Variants in PTN observed in about 807,000 individuals in gnomAD.
PTN encodes pleiotrophin.
A neutral mutation model predicts 24.1 loss-of-function variants in PTN; 18 were observed. The observed-to-expected ratio is 0.75, with a 90% CI of 0.52 to 1.11. PTN has a LOEUF of 1.11. PTN is among the 50% of genes least tolerant of loss of function. PTN has a pLI of 0.00. For missense variants in PTN, 163 were observed against 198.8 expected (o/e 0.82, Z 1.08); for synonymous variants, 78 against 68.6 (o/e 1.14, Z -0.67).
intron 1 of PTN, among the ~76,000 whole-genome samples, chr7:137,314,378 T>C (rs1562920308): frequency 6.6e-6 from 1 of 152,138 alleles, no homozygotes. Context: ...ACCAATGAGG[T>C]ACCAGCAATT....
chr7:137,292,775 T>C (rs1809661061), intron 1 of PTN, among the ~76,000 whole-genome samples: 2 of 152,158 alleles, frequency 1.3e-5, no homozygotes, highest in African/African-American at 4.8e-5. Flanking sequence ...CTCCTGAATA[T>C]TTTCAATTCA....
intron 1 of PTN, among the ~76,000 whole-genome samples, chr7:137,307,425 T>G (rs968548572): frequency 6.6e-6 from 1 of 152,182 alleles, no homozygotes; most frequent in Non-Finnish European, 1.5e-5. Context: ...ACAAATTTTT[T>G]AATGAAAAGG....
At chr7:137,309,481 CATGA>C (rs1244089284) in intron 1 of PTN, among the ~76,000 whole-genome samples, 3 of 151,438 alleles carry the variant, frequency 2.0e-5, no homozygotes, top group East Asian at 2.0e-4. Flanking sequence ...TTCACTCTTT[CATGA>C]ATGATTTCTC....
chr7:137,323,085 T>A (rs1810191572), intron 1 of PTN, among the ~76,000 whole-genome samples: 1 of 152,246 alleles, frequency 6.6e-6, no homozygotes, highest in Non-Finnish European at 1.5e-5. Flanking sequence ...ATTTCTTGCC[T>A]GCACTTTCAT....
chr7:137,268,079 C>T (rs1809192004), intron 1 of PTN, among the ~76,000 whole-genome samples: 1 of 152,040 alleles, frequency 6.6e-6, no homozygotes, highest in Admixed American at 6.6e-5. Context: ...CTAGTCTTAC[C>T]GAGTTTGAGA....
rs575341813 is a variant in PTN, at chr7:137,288,137, A to T, written c.-1-33163T>A. On this transcript the variant is annotated intron_variant, in intron 1 of 4. Coordinates refer to ENST00000348225, the MANE Select transcript of PTN (RefSeq NM_002825.7). ...AGCAGAGAATTGATTAGGATTCAGC[A>T]AAGTTCATATTATAATAGTTTAGTG... Among the ~76,000 whole-genome samples, 17 of 152,316 alleles carry T rather than the reference A, an allele frequency of 1.1e-4. No homozygotes were observed. The South Asian group carries it at 3.5e-3, about 32-fold the overall frequency.
chr7:137,329,044 C>A (rs1332954101), intron 1 of PTN, among the ~76,000 whole-genome samples: 1 of 152,086 alleles, frequency 6.6e-6, no homozygotes, highest in Non-Finnish European at 1.5e-5. Flanking sequence ...GGACTACACC[C>A]TCAGTTCTAT....
intron 1 of PTN, among the ~76,000 whole-genome samples, chr7:137,268,726 G>C (rs1258874321): frequency 6.6e-6 from 1 of 152,176 alleles, no homozygotes; most frequent in East Asian, 1.9e-4. Flanking sequence ...TTCAGATCTG[G>C]TTCCTTGGTT....
At chr7:137,286,825 T>G (rs1809563186) in intron 1 of PTN, among the ~76,000 whole-genome samples, 1 of 152,212 alleles carries the variant, frequency 6.6e-6, no homozygotes, top group Non-Finnish European at 1.5e-5. Context: ...CATACTTAGT[T>G]GGACTAAATA....
Position 137,270,965 on chromosome 7 carries a change from G to A in PTN, c.-1-15991C>T, listed in dbSNP as rs80188203. Among the ~76,000 whole-genome samples, 56 of 152,150 alleles carry A rather than the reference G, an allele frequency of 3.7e-4. 1 individual carries two copies. The East Asian group carries it at 9.5e-3, about 26-fold the overall frequency. ...TCCAAATTCTCACTTTTCCTTCCTCGTTATTCTCTTCTAAGACAAGAAGGC... is the reference window on the plus strand; with the variant it reads ...TCCAAATTCTCACTTTTCCTTCCTCATTATTCTCTTCTAAGACAAGAAGGC... On this transcript the variant is annotated intron_variant, in intron 1 of 4. Transcript: ENST00000348225.
chr7:137,289,171 G>A (rs547006535), intron 1 of PTN, among the ~76,000 whole-genome samples: 1 of 152,254 alleles, frequency 6.6e-6, no homozygotes, highest in East Asian at 1.9e-4. Context: ...TGGTATATTT[G>A]ACTCTAAACA....
intron 4 of PTN, chr7:137,236,027 T>G (rs2128868142): frequency 1.7e-6 from 1 of 602,590 alleles, no homozygotes; most frequent in South Asian, 2.1e-5. Context: ...ATGAAAGCAC[T>G]AGTGAATAAA....
At chr7:137,314,136 T>C (rs969067989) in intron 1 of PTN, among the ~76,000 whole-genome samples, 1 of 152,156 alleles carries the variant, frequency 6.6e-6, no homozygotes, top group Non-Finnish European at 1.5e-5. Flanking sequence ...ATATCTATTT[T>C]TAGAGTCATT....
chr7:137,260,889 T>C (rs531254961), intron 1 of PTN, among the ~76,000 whole-genome samples: 1 of 152,314 alleles, frequency 6.6e-6, no homozygotes, highest in South Asian at 2.1e-4. Flanking sequence ...ATTCTCATTC[T>C]AGTCTTTCAT....
chr7:137,321,164 T>C (rs322332), intron 1 of PTN, among the ~76,000 whole-genome samples: 132,475 of 152,124 alleles, frequency 0.87, 57,916 homozygotes, highest in Admixed American at 0.92. Flanking sequence ...ATAACACATG[T>C]GCAGCTAAAC....
At chr7:137,339,748 C>T (rs978755932) in intron 1 of PTN, among the ~76,000 whole-genome samples, 9 of 151,786 alleles carry the variant, frequency 5.9e-5, no homozygotes, top group Non-Finnish European at 8.8e-5. Context: ...TTGGGCAAGA[C>T]GTTCTGGGAC....
At chr7:137,251,537 C>A in intron 3 of PTN, 146 bp from the exon 4 acceptor site, 1 of 887,936 alleles carries the variant, frequency 1.1e-6, no homozygotes, top group Non-Finnish European at 1.7e-6. Flanking sequence ...AGAGTGTATG[C>A]GTGTGTATTG....
chr7:137,274,427 T>C (rs1220331744), intron 1 of PTN, among the ~76,000 whole-genome samples: 1 of 152,160 alleles, frequency 6.6e-6, no homozygotes, highest in Non-Finnish European at 1.5e-5. Context: ...TTTTGTTACA[T>C]AGGTACACAT....
At chr7:137,337,794 G>A (rs1016623878) in intron 1 of PTN, among the ~76,000 whole-genome samples, 2 of 152,170 alleles carry the variant, frequency 1.3e-5, no homozygotes, top group African/African-American at 4.8e-5. Flanking sequence ...GGCTTAAACA[G>A]GAAATTGGCA....
Sources: gnomAD v4.1 joint callset for allele counts (sites outside exome capture counted in the v4.1 genomes callset) on GRCh38, gnomAD v4.1.1 for gene constraint, MANE v1.5 for transcripts, NCBI Gene and HGNC (gene_info 2026-07-23, HGNC 2026-07-21) for gene names.